MSH4: variants seen among roughly 807,000 people sequenced by gnomAD.
MSH4 encodes mutS protein homolog 4.
In MSH4, 106 loss-of-function variants were observed where a neutral mutation model predicts 113.7. The ratio of observed to expected loss-of-function variants is 0.93; its 90% CI spans 0.80 to 1.10. The LOEUF is 1.10. Ranked by LOEUF, MSH4 falls within the 50% of genes least tolerant of loss-of-function variation. MSH4 has a pLI of 0.00. For missense variants in MSH4, 1,061 were observed against 1,093.7 expected (o/e 0.97, Z 0.42); for synonymous variants, 368 against 380.2 (o/e 0.97, Z 0.37).
chr1:75,876,186 C>G (rs1249833688), intron 9 of MSH4, among the ~76,000 whole-genome samples: 1 of 151,968 alleles, frequency 6.6e-6, no homozygotes, highest in Non-Finnish European at 1.5e-5. Flanking sequence ...AATACTCAAC[C>G]TGGATTAAGT....
At chr1:75,805,391 T>G (rs1476852779) in intron 2 of MSH4, among the ~76,000 whole-genome samples, 3 of 151,142 alleles carry the variant, frequency 2.0e-5, no homozygotes, top group Non-Finnish European at 1.5e-5. Context: ...TTGTTTTTTT[T>G]TTTTTTTGGT....
At chr1:75,850,976 G>A (rs1651174748) in intron 8 of MSH4, among the ~76,000 whole-genome samples, 1 of 152,064 alleles carries the variant, frequency 6.6e-6, no homozygotes, top group South Asian at 2.1e-4. Context: ...GAAATCTACT[G>A]CATCTAATAT....
At chr1:75,854,309 G>A (rs949679925) in intron 8 of MSH4, among the ~76,000 whole-genome samples, 1 of 151,886 alleles carries the variant, frequency 6.6e-6, no homozygotes, top group African/African-American at 2.4e-5. Flanking sequence ...CCTCCCCCAT[G>A]CAGATACCAT....
chr1:75,882,257 A>G (rs1351182394), intron 14 of MSH4, among the ~76,000 whole-genome samples: 2 of 152,086 alleles, frequency 1.3e-5, no homozygotes, highest in Non-Finnish European at 2.9e-5. Context: ...GCTTCATTTT[A>G]GTTTGAGAAG....
At chr1:75,832,531 C>T (rs1650724302) in intron 7 of MSH4, among the ~76,000 whole-genome samples, 1 of 152,118 alleles carries the variant, frequency 6.6e-6, no homozygotes, top group Non-Finnish European at 1.5e-5. Flanking sequence ...ATGCAAAAAT[C>T]CTCAATAAAG....
intron 7 of MSH4, among the ~76,000 whole-genome samples, chr1:75,846,771 T>A (rs1334289703): frequency 6.6e-6 from 1 of 152,222 alleles, no homozygotes; most frequent in Admixed American, 6.5e-5. Context: ...CATGGCAATC[T>A]GGGCTTTTTC....
chr1:75,817,318 T>C (rs1455484807), intron 6 of MSH4, among the ~76,000 whole-genome samples: 1 of 152,160 alleles, frequency 6.6e-6, no homozygotes, highest in East Asian at 1.9e-4. Flanking sequence ...GAACTACAAA[T>C]CAAAACCGCA....
intron 17 of MSH4, among the ~76,000 whole-genome samples, chr1:75,893,055 G>A (rs966244641): frequency 5.9e-5 from 9 of 152,214 alleles, no homozygotes; most frequent in Non-Finnish European, 1.3e-4. Context: ...GACAGTGGCT[G>A]TAGACACCAG....
intron 15 of MSH4, among the ~76,000 whole-genome samples, chr1:75,886,793 C>G (rs1652132419): frequency 7.8e-6 from 1 of 128,154 alleles, no homozygotes; most frequent in Non-Finnish European, 1.6e-5. Flanking sequence ...CTTATATATA[C>G]TAAACAGTAT....
chr1:75,852,178 AC>A (rs1651203283), intron 8 of MSH4, among the ~76,000 whole-genome samples: 2 of 152,224 alleles, frequency 1.3e-5, no homozygotes, highest in South Asian at 4.2e-4. Flanking sequence ...ACTTAGCATA[AC>A]GTTTTCAAGT....
At chr1:75,839,363 C>A (rs967969782) in intron 7 of MSH4, among the ~76,000 whole-genome samples, 9 of 151,956 alleles carry the variant, frequency 5.9e-5, no homozygotes, top group African/African-American at 2.2e-4. Flanking sequence ...TACAGGCGCC[C>A]ACCACCATGC....
chr1:75,895,659 T>C (rs1187441013), intron 17 of MSH4, among the ~76,000 whole-genome samples: 4 of 152,184 alleles, frequency 2.6e-5, no homozygotes, highest in African/African-American at 9.7e-5. Context: ...TAACATAAGA[T>C]GTGTTGACTT....
In MSH4 at chr1:75,912,718, A is replaced by G; in HGVS notation, c.2642A>G (p.Glu881Gly). The change falls in exon 20 of 20, where the codon GAG becomes GGG. Residue 881 changes from glutamate (E) to glycine (G), a missense_variant. Physicochemically the swap from Glu to Gly is moderately conservative, Grantham distance 98. Coordinates refer to ENST00000263187, the MANE Select transcript of MSH4 (RefSeq NM_002440.4). ...QILQNQRSTP[E>G]MERQRAVYHL... Reference sequence around the variant, plus strand: ...CAGCAAAACCAAAGGAGTACCCCTGAGATGGAAAGACAGAGAGCTGTGTAC... The same window carrying G: ...CAGCAAAACCAAAGGAGTACCCCTGGGATGGAAAGACAGAGAGCTGTGTAC... 6.5e-7 allele frequency: 1 copy of G among 1,546,760 alleles called. No homozygotes were observed. The highest frequency in any genetic ancestry group is 2.1e-5 in the Admixed American group (1 of 47,624).
intron 7 of MSH4, among the ~76,000 whole-genome samples, chr1:75,843,490 G>A (rs571029349): frequency 1.3e-3 from 191 of 152,194 alleles, no homozygotes; most frequent in African/African-American, 4.4e-3. Context: ...TATATTTTGG[G>A]GTTAAATATT....
At chr1:75,880,263 TGCATGTTA>T in intron 13 of MSH4, 110 bp downstream of exon 13, 1 of 613,638 alleles carries the variant, frequency 1.6e-6, no homozygotes, top group Non-Finnish European at 2.8e-6. Flanking sequence ...TGTAGAATTA[TGCATGTTA>T]GCAAAGGAAG....
At chr1:75,804,698 A>G (rs1385133517) in intron 2 of MSH4, among the ~76,000 whole-genome samples, 2 of 151,698 alleles carry the variant, frequency 1.3e-5, no homozygotes, top group Non-Finnish European at 2.9e-5. Flanking sequence ...TTTAGTAGAG[A>G]TGGGGTTTCA....
At chr1:75,819,437 C>T (rs1650360359) in intron 6 of MSH4, among the ~76,000 whole-genome samples, 1 of 152,112 alleles carries the variant, frequency 6.6e-6, no homozygotes, top group Non-Finnish European at 1.5e-5. Context: ...TAGCAGTGAG[C>T]CTAGATAGTG....
At chr1:75,856,029 G>C (rs1224512458) in intron 8 of MSH4, among the ~76,000 whole-genome samples, 1 of 151,950 alleles carries the variant, frequency 6.6e-6, no homozygotes, top group African/African-American at 2.4e-5. Flanking sequence ...ACATCTTTTT[G>C]CACTAGACAA....
intron 17 of MSH4, among the ~76,000 whole-genome samples, chr1:75,897,303 C>T (rs1652406237): frequency 6.6e-6 from 1 of 152,130 alleles, no homozygotes; most frequent in Non-Finnish European, 1.5e-5. Flanking sequence ...GCATGTTTAA[C>T]AGGCTCTCTA....
Sources: gnomAD v4.1 joint callset for allele counts (sites outside exome capture counted in the v4.1 genomes callset) on GRCh38, gnomAD v4.1.1 for gene constraint, MANE v1.5 for transcripts, NCBI Gene and HGNC (gene_info 2026-07-23, HGNC 2026-07-21) for gene names.